PMPCA: variants seen among roughly 807,000 people sequenced by gnomAD.
PMPCA encodes the protein mitochondrial-processing peptidase subunit alpha.
In PMPCA, 47 loss-of-function variants were observed where a neutral mutation model predicts 59.3. That is an observed-to-expected ratio of 0.79 (90% CI 0.63 to 1.01). The LOEUF is 1.01. Among genes scored for constraint, PMPCA ranks in the 50% least tolerant of loss-of-function variants. The pLI, the probability that PMPCA is intolerant of heterozygous loss-of-function variation, is 0.00. For missense variants in PMPCA, 726 were observed against 704.5 expected (o/e 1.03, Z -0.34); for synonymous variants, 338 against 290.3 (o/e 1.16, Z -1.67).
chr9:136,421,769 G>A (rs1267772541), intron 11 of PMPCA, 63 bp from the exon 12 acceptor site: 15 of 1,457,292 alleles, frequency 1.0e-5, no homozygotes, highest in Admixed American at 2.0e-5. Flanking sequence ...GCCATTGCTC[G>A]AGTGGGGGGT....
intron 8 of PMPCA, 30 bp from the exon 9 acceptor site, chr9:136,418,525 T>A: frequency 7.2e-7 from 1 of 1,396,132 alleles, no homozygotes; most frequent in Non-Finnish European, 1.0e-6. Flanking sequence ...GCGTGGGTGG[T>A]TCAGCCAGCT....
rs200329461 is a variant in PMPCA at position 136,416,242 on chromosome 9, T to G, written c.533-49T>G. 3.5e-5 allele frequency: 47 copies of G among 1,355,164 alleles called. No homozygotes were observed. In the East Asian group the frequency reaches 6.2e-4, roughly 18 times the overall value. 83.9% of individuals were successfully genotyped at this position (1,355,164 alleles called of 1,614,324 possible). A position where few individuals can be genotyped will look rare whatever the true frequency, so the allele number is the denominator to read the frequency against. On this transcript the variant is annotated intron_variant, in intron 5 of 12. Coordinates refer to ENST00000371717, the MANE Select transcript of PMPCA (RefSeq NM_015160.3). ...AAGCTGTGGGTCACTGCTGTGTTCC[T>G]CATCTCTGCCTGTGCAGACTCAGCC...
At chr9:136,418,482 C>A in intron 8 of PMPCA, 73 bp from the exon 9 acceptor site, 1 of 966,290 alleles carries the variant, frequency 1.0e-6, no homozygotes, top group Non-Finnish European at 1.7e-6. Flanking sequence ...GCTCTGCCCT[C>A]CGTCCCTGGC....
intron 11 of PMPCA, chr9:136,419,843 A>T (rs1052600215): frequency 6.6e-6 from 1 of 152,302 alleles, no homozygotes; most frequent in Admixed American, 6.5e-5. Flanking sequence ...TGGCCTCCCA[A>T]GGTGCTGGGA....
At position 136,419,281 on chromosome 9, in the gene PMPCA, C is replaced by A. The variant is rs573889748; in HGVS notation, c.1263+175C>A. On this transcript the variant is annotated intron_variant, in intron 11 of 12. Coordinates refer to ENST00000371717, the MANE Select transcript of PMPCA (RefSeq NM_015160.3). Reference sequence around the variant, plus strand: ...CACAGCCTGGGGCTGAGCTGCTCCACCTGGGAGCCCGCTGAGGCTGTTCTT... The same window carrying A: ...CACAGCCTGGGGCTGAGCTGCTCCAACTGGGAGCCCGCTGAGGCTGTTCTT... The A allele has an allele frequency of 9.2e-5, 64 of 694,882 alleles. 1 individual carries two copies. The African/African-American group carries it at 1.0e-3, about 11-fold the overall frequency. The allele number at this position is 694,882 out of a possible 1,614,324, so 43.0% of individuals were successfully genotyped here.
Position 136,418,548 on chromosome 9 carries a change from C to T in PMPCA, c.991-7C>T, listed in dbSNP as rs746840738. Reference sequence around the variant, plus strand: ...GGTTCAGCCAGCTCTGCCCTCCGTCCCTGCAGGAGGAGGACTTCATCCCCT... The same window carrying T: ...GGTTCAGCCAGCTCTGCCCTCCGTCTCTGCAGGAGGAGGACTTCATCCCCT... On this transcript the variant is annotated splice_polypyrimidine_tract_variant and splice_region_variant and intron_variant, in intron 8 of 12. Coordinates refer to ENST00000371717, the MANE Select transcript of PMPCA (RefSeq NM_015160.3). 2 of 1,566,028 alleles carry T rather than the reference C, an allele frequency of 1.3e-6. No individual in the cohort carries two copies. The highest frequency in any genetic ancestry group is 3.3e-5 in the Admixed American group (2 of 59,882).
intron 5 of PMPCA, 76 bp downstream of exon 5, chr9:136,414,723 A>G (rs1835227687): frequency 2.3e-6 from 2 of 883,742 alleles, no homozygotes; most frequent in Non-Finnish European, 3.9e-6. Flanking sequence ...GAAGCCCTGT[A>G]GCCATGAGGG....
chr9:136,418,606 G>T lies in PMPCA; in HGVS notation c.1042G>T (p.Gly348Cys). ...GTTGAACATGATGATGGGCGGAGGT[G>T]GCTCCTTCTCGGCTGGTGGGCCCGG... is the stretch of plus-strand genomic sequence containing the variant. The part of the protein sequence containing the change: ...AVLNMMMGGG[G>C]SFSAGGPGKG... Residue 348 changes from glycine to cysteine, a missense_variant, in exon 9 of 13, where the codon GGC becomes TGC. Gly to Cys is a radical substitution (Grantham distance 159). Coordinates refer to ENST00000371717, the MANE Select transcript of PMPCA (RefSeq NM_015160.3). 1 of 1,614,070 alleles carries T rather than the reference G, an allele frequency of 6.2e-7. No individual in the cohort carries two copies. Among genetic ancestry groups the T allele is most frequent in the Non-Finnish European group, 8.5e-7 (1 of 1,179,894 alleles).
At chr9:136,411,909 A>G in intron 1 of PMPCA, 88 bp from the exon 2 acceptor site, 1 of 780,546 alleles carries the variant, frequency 1.3e-6, no homozygotes, top group Non-Finnish European at 2.3e-6. Flanking sequence ...CTTTTAACCC[A>G]GACAAAACAT....
intron 6 of PMPCA, 129 bp from the exon 7 acceptor site, chr9:136,416,822 T>C (rs1835289760): frequency 1.3e-6 from 1 of 760,378 alleles, no homozygotes; most frequent in Admixed American, 2.9e-5. Context: ...ATTGCCAGAG[T>C]GCAAGTAAAA....
At position 136,411,009 on chromosome 9, in the gene PMPCA, CAT is replaced by C. The variant is rs879675281; in HGVS notation, c.71+273_71+274del. ...ACGGGCCTTCTCCGAGGCCATGCCT[CAT>C]ATTTGCCCCCGCGCTTCACCTACCG... On this transcript the variant is annotated intron_variant, in intron 1 of 12. Transcript: ENST00000371717. 5.8e-4 allele frequency: 218 copies of C among 375,972 alleles called. 1 individual carries two copies. The Admixed American group carries it at 9.4e-3, about 16-fold the overall frequency. 23.3% of individuals were successfully genotyped at this position (375,972 alleles called of 1,614,324 possible). A position where few individuals can be genotyped will look rare whatever the true frequency, so the allele number is the denominator to read the frequency against.
At chr9:136,415,303 A>G (rs1438060236) in intron 5 of PMPCA, among the ~76,000 whole-genome samples, 1 of 152,202 alleles carries the variant, frequency 6.6e-6, no homozygotes, top group East Asian at 1.9e-4. Flanking sequence ...GAGAATGTGT[A>G]TTTGAGACAT....
intron 6 of PMPCA, 139 bp downstream of exon 6, chr9:136,416,530 T>G (rs773677712): frequency 5.6e-6 from 4 of 712,898 alleles, no homozygotes; most frequent in South Asian, 1.5e-5. Flanking sequence ...TTTTTTGAGA[T>G]GAGGTTTCTC....
At chr9:136,422,016 C>T (rs769191957) in intron 12 of PMPCA, 40 bp downstream of exon 12, 12 of 1,575,050 alleles carry the variant, frequency 7.6e-6, no homozygotes, top group African/African-American at 1.4e-5. Flanking sequence ...CCGCAGGCCT[C>T]GGCCAGGCTC....
At chr9:136,419,177 T>C (rs1835374697) in intron 11 of PMPCA, 71 bp downstream of exon 11, 1 of 1,316,264 alleles carries the variant, frequency 7.6e-7, no homozygotes, top group African/African-American at 1.4e-5. Flanking sequence ...GTTGTAGGAG[T>C]GGCCACCTGT....
In PMPCA at chr9:136,418,591, A is replaced by T. The variant is rs2131591486; in HGVS notation, c.1027A>T (p.Met343Leu). The T allele has an allele frequency of 6.2e-7, 1 of 1,613,692 alleles. No individual in the cohort carries two copies. The highest frequency in any genetic ancestry group is 8.5e-7 in the Non-Finnish European group (1 of 1,179,646). The change falls in exon 9 of 13, where the codon ATG becomes TTG. Residue 343 changes from methionine to leucine, a missense_variant. Transcript: ENST00000371717. ...DFIPFAVLNM[M>L]MGGGGSFSAG... is the part of the protein sequence containing the mutation. ...CATCCCCTTTGCAGTGTTGAACATG[A>T]TGATGGGCGGAGGTGGCTCCTTCTC...
intron 12 of PMPCA, chr9:136,422,246 G>T: frequency 7.2e-7 from 1 of 1,385,706 alleles, no homozygotes; most frequent in South Asian, 1.4e-5. Flanking sequence ...TGTCACTACT[G>T]CCCAGAGTTG....
intron 11 of PMPCA, chr9:136,420,424 C>T (rs1324955459): frequency 6.6e-6 from 1 of 152,204 alleles, no homozygotes; most frequent in African/African-American, 2.4e-5. Context: ...CCATCTCGGC[C>T]TCCCAAAGTG....
At chr9:136,410,931 G>C (rs545254887) in intron 1 of PMPCA, among the ~76,000 whole-genome samples, 192 bp downstream of exon 1, 34 of 152,370 alleles carry the variant, frequency 2.2e-4, no homozygotes, top group African/African-American at 7.9e-4. Flanking sequence ...AGTCCCATCT[G>C]TCTCTCCTCT....
Sources: allele counts gnomAD v4.1 joint callset (sites outside exome capture counted in the v4.1 genomes callset), GRCh38; gene constraint gnomAD v4.1.1; transcripts MANE v1.5; gene names NCBI Gene and HGNC (gene_info 2026-07-23, HGNC 2026-07-21).